The following LDAH variants were observed in gnomAD, a reference collection of about 807,000 sequenced individuals.
LDAH encodes lipid droplet-associated hydrolase.
A neutral mutation model predicts 29.6 loss-of-function variants in LDAH; 26 were observed. The observed-to-expected ratio is 0.88, with a 90% CI of 0.64 to 1.22. The LOEUF (loss-of-function observed/expected upper bound fraction) is 1.22. Ranked by LOEUF, LDAH falls within the 50% of genes most tolerant of loss-of-function variation. LDAH has a pLI of 0.00. For missense variants in LDAH, 344 were observed against 387.3 expected (o/e 0.89, Z 0.94); for synonymous variants, 117 against 133.0 (o/e 0.88, Z 0.83).
At chr2:20,814,021 C>G (rs1483385082) in intron 1 of LDAH, among the ~76,000 whole-genome samples, 2 of 151,950 alleles carry the variant, frequency 1.3e-5, no homozygotes, top group African/African-American at 4.8e-5. Flanking sequence ...TTTTATTAGT[C>G]TCTACTTCTA....
chr2:20,723,468 A>G (rs1291421881), intron 5 of LDAH, among the ~76,000 whole-genome samples: 1 of 152,238 alleles, frequency 6.6e-6, no homozygotes. Flanking sequence ...AAATTAAAAA[A>G]AAACTTAAAA....
At chr2:20,734,012 A>G (rs1249204764) in intron 5 of LDAH, among the ~76,000 whole-genome samples, 1 of 152,184 alleles carries the variant, frequency 6.6e-6, no homozygotes, top group Non-Finnish European at 1.5e-5. Flanking sequence ...GGTTTCAATG[A>G]TATCAACATG....
At chr2:20,789,097 C>T in intron 3 of LDAH, 1 of 1,545,688 alleles carries the variant, frequency 6.5e-7, no homozygotes. Context: ...TGTTGTACCT[C>T]TGCACCCACC....
intron 4 of LDAH, among the ~76,000 whole-genome samples, chr2:20,763,938 T>C (rs1668851705): frequency 6.6e-6 from 1 of 151,554 alleles, no homozygotes; most frequent in African/African-American, 2.4e-5. Flanking sequence ...GGTGAAATTT[T>C]CCATGCTTGG....
chr2:20,809,320 A>C (rs1672312224), intron 1 of LDAH, among the ~76,000 whole-genome samples: 1 of 152,052 alleles, frequency 6.6e-6, no homozygotes, highest in Non-Finnish European at 1.5e-5. Flanking sequence ...AATTACTTGA[A>C]CCAGGGAGTC....
intron 5 of LDAH, 98 bp from the exon 6 acceptor site, chr2:20,701,750 G>T: frequency 9.2e-7 from 1 of 1,084,070 alleles, no homozygotes; most frequent in Non-Finnish European, 1.4e-6. Flanking sequence ...CTTTCTTTTG[G>T]CACGTGCTAT....
intron 1 of LDAH, among the ~76,000 whole-genome samples, chr2:20,803,747 C>T (rs949698136): frequency 6.6e-6 from 1 of 152,220 alleles, no homozygotes; most frequent in Non-Finnish European, 1.5e-5. Context: ...TCAATGAGGT[C>T]TGAACCTCAT....
chr2:20,728,943 T>G (rs1046561881), intron 5 of LDAH, among the ~76,000 whole-genome samples: 1 of 152,156 alleles, frequency 6.6e-6, no homozygotes, highest in African/African-American at 2.4e-5. Flanking sequence ...GCTCCAAAAA[T>G]TTGTTTGCTA....
intron 6 of LDAH, among the ~76,000 whole-genome samples, chr2:20,691,184 CT>C (rs1359966788): frequency 6.6e-6 from 1 of 152,054 alleles, no homozygotes; most frequent in African/African-American, 2.4e-5. Context: ...TTTTTATTTA[CT>C]TTTTTATTCT....
At chr2:20,814,089 T>C (rs1179155779) in intron 1 of LDAH, among the ~76,000 whole-genome samples, 1 of 152,208 alleles carries the variant, frequency 6.6e-6, no homozygotes, top group Non-Finnish European at 1.5e-5. Flanking sequence ...GGAAAGCTAC[T>C]TGTGTTAATA....
intron 4 of LDAH, among the ~76,000 whole-genome samples, chr2:20,773,967 A>G (rs1388778541): frequency 6.6e-6 from 1 of 152,132 alleles, no homozygotes; most frequent in East Asian, 1.9e-4. Flanking sequence ...TATTGGTTAG[A>G]CTGTCTCCTC....
intron 1 of LDAH, among the ~76,000 whole-genome samples, chr2:20,809,727 G>A (rs4971527): frequency 0.04 from 6,043 of 152,136 alleles, 156 homozygotes; most frequent in African/African-American, 0.058. Flanking sequence ...GACTATCAGC[G>A]AATAAACATA....
intron 3 of LDAH, among the ~76,000 whole-genome samples, chr2:20,779,618 T>C (rs75407373): frequency 0.013 from 1,911 of 152,178 alleles, 18 homozygotes; most frequent in Middle Eastern, 0.02. Flanking sequence ...AAATTCATGA[T>C]AGAACTAGAG....
At chr2:20,766,301 C>T (rs1434917806) in intron 4 of LDAH, among the ~76,000 whole-genome samples, 1 of 152,208 alleles carries the variant, frequency 6.6e-6, no homozygotes, top group East Asian at 1.9e-4. Context: ...CTGTACTTCA[C>T]AGCCTCATTG....
intron 4 of LDAH, among the ~76,000 whole-genome samples, chr2:20,749,927 C>T (rs1667841960): frequency 6.6e-6 from 1 of 151,834 alleles, no homozygotes; most frequent in Admixed American, 6.6e-5. Context: ...AGAACAGGTT[C>T]ATAAGGGTAG....
intron 6 of LDAH, among the ~76,000 whole-genome samples, chr2:20,695,521 T>C (rs148991745): frequency 0.022 from 3,295 of 151,860 alleles, 117 homozygotes; most frequent in African/African-American, 0.076. Context: ...AGCATGATCT[T>C]GGCTCACTGC....
At chr2:20,718,563 T>C (rs879289079) in intron 5 of LDAH, among the ~76,000 whole-genome samples, 1 of 152,158 alleles carries the variant, frequency 6.6e-6, no homozygotes, top group Non-Finnish European at 1.5e-5. Flanking sequence ...AATACAGTAA[T>C]AGTAAGGGAC....
At chr2:20,741,220 A>G (rs1287100177) in intron 4 of LDAH, among the ~76,000 whole-genome samples, 1 of 152,116 alleles carries the variant, frequency 6.6e-6, no homozygotes, top group Non-Finnish European at 1.5e-5. Flanking sequence ...TCTATGACTT[A>G]TCTTTTTATT....
chr2:20,787,695 GC>G (rs1368135950), intron 3 of LDAH, among the ~76,000 whole-genome samples: 1 of 152,064 alleles, frequency 6.6e-6, no homozygotes, highest in African/African-American at 2.4e-5. Flanking sequence ...AAAATTCTAT[GC>G]TAAATATTTT....
Sources: allele counts gnomAD v4.1 joint callset (sites outside exome capture counted in the v4.1 genomes callset), GRCh38; gene constraint gnomAD v4.1.1; transcripts MANE v1.5; gene names NCBI Gene and HGNC (gene_info 2026-07-23, HGNC 2026-07-21).